ANO3: variants seen among roughly 807,000 people sequenced by gnomAD.
ANO3 encodes anoctamin 3.
ANO3 carries 99 observed loss-of-function variants against 144.8 expected under a neutral mutation model. That is an observed-to-expected ratio of 0.68 (90% CI 0.58 to 0.81). The LOEUF is 0.81. Ranked by LOEUF, ANO3 falls within the 30% of genes least tolerant of loss-of-function variation. ANO3 has a pLI of 0.00. For synonymous variants in ANO3, 414 were observed against 392.6 expected (o/e 1.05, Z -0.64); for missense variants, 905 against 1,202.2 (o/e 0.75, Z 3.66).
chr11:26,465,941 T>C (rs1180770940), intron 4 of ANO3, among the ~76,000 whole-genome samples: 1 of 152,012 alleles, frequency 6.6e-6, no homozygotes. Context: ...GAACAATGCA[T>C]TGTATCTTTA....
At chr11:26,383,888 CTT>C (rs61094091) in intron 1 of ANO3, among the ~76,000 whole-genome samples, 248 of 70,098 alleles carry the variant, frequency 3.5e-3, no homozygotes, top group Middle Eastern at 0.019. Flanking sequence ...ATGCATTGTT[CTT>C]TTTTTTTTTT....
At chr11:26,600,009 A>C (rs911822854) in intron 17 of ANO3, among the ~76,000 whole-genome samples, 3 of 152,144 alleles carry the variant, frequency 2.0e-5, no homozygotes, top group African/African-American at 7.2e-5. Context: ...AGATGGTGCC[A>C]TGCACTTTTC....
At chr11:26,232,140 G>T (rs1305946232) in intron 1 of ANO3, among the ~76,000 whole-genome samples, 3 of 152,096 alleles carry the variant, frequency 2.0e-5, no homozygotes, top group Non-Finnish European at 2.9e-5. Flanking sequence ...GGTCTATGTG[G>T]TCTGGTTGGA....
At chr11:26,332,042 T>C (rs1047443773), upstream of ANO3, 19 of 1,313,310 alleles carry the variant, frequency 1.4e-5, no homozygotes, top group African/African-American at 2.8e-4. Context: ...GGATGCGGGG[T>C]TGTTCCCAGA....
chr11:26,319,411 C>T (rs1403811731), intron 1 of ANO3, among the ~76,000 whole-genome samples: 2 of 152,112 alleles, frequency 1.3e-5, no homozygotes, highest in East Asian at 3.8e-4. Flanking sequence ...TCTACCTCCT[C>T]AAATAATTGG....
At chr11:26,648,541 AT>A (rs1216927891) in intron 24 of ANO3, among the ~76,000 whole-genome samples, 1 of 152,132 alleles carries the variant, frequency 6.6e-6, no homozygotes, top group Non-Finnish European at 1.5e-5. Flanking sequence ...TAACCTCACT[AT>A]TCCCCAAGTT....
intron 1 of ANO3, among the ~76,000 whole-genome samples, chr11:26,381,088 G>A (rs550836360): frequency 1.3e-5 from 2 of 152,002 alleles, no homozygotes; most frequent in South Asian, 4.1e-4. Flanking sequence ...CTTTTTCAAG[G>A]TAGTTTTTCT....
At position 26,559,757 on chromosome 11, in the gene ANO3, T is replaced by C. The variant is rs777864458; in HGVS notation, c.1425T>C (p.Phe475=). 6.2e-7 allele frequency: 1 copy of C among 1,612,218 alleles called. No homozygotes were observed. Among genetic ancestry groups the C allele is most frequent in the Admixed American group, 1.7e-5 (1 of 59,968 alleles). The change falls in exon 14 of 27, where the codon TTT becomes TTC. Residue 475 remains phenylalanine, a synonymous_variant. Coordinates refer to ENST00000256737, the MANE Select transcript of ANO3 (RefSeq NM_031418.4). Reference sequence around the variant, plus strand: ...TCGATAATGGAGGGACAGTCTTCTTTGCTATTTTTATGGCAATATGGGGTA... The same window carrying C: ...TCGATAATGGAGGGACAGTCTTCTTCGCTATTTTTATGGCAATATGGGGTA... ...YLFDNGGTVF[F]AIFMAIWATV... is the part of the protein sequence containing the mutation.
chr11:26,632,047 C>A (rs1852798701), intron 18 of ANO3, among the ~76,000 whole-genome samples: 1 of 151,852 alleles, frequency 6.6e-6, no homozygotes, highest in Non-Finnish European at 1.5e-5. Context: ...AAAAAGTTAG[C>A]CAAGCATGGT....
chr11:26,393,742 T>C (rs1314636219), intron 1 of ANO3, among the ~76,000 whole-genome samples: 1 of 152,184 alleles, frequency 6.6e-6, no homozygotes, highest in East Asian at 1.9e-4. Flanking sequence ...ATTAGTCTCA[T>C]TTTTTCTTTT....
intron 1 of ANO3, among the ~76,000 whole-genome samples, chr11:26,339,421 T>C (rs896193072): frequency 1.3e-5 from 2 of 152,120 alleles, no homozygotes; most frequent in Admixed American, 1.3e-4. Context: ...CCCAAAGTGC[T>C]GGGAATTACA....
chr11:26,644,196 A>G (rs193122260), intron 23 of ANO3, among the ~76,000 whole-genome samples: 58 of 152,332 alleles, frequency 3.8e-4, no homozygotes, highest in African/African-American at 1.3e-3. Context: ...AGGAACATTA[A>G]TTTAGTTGAG....
chr11:26,226,631 C>A (rs1564924684), intron 1 of ANO3, among the ~76,000 whole-genome samples: 1 of 152,064 alleles, frequency 6.6e-6, no homozygotes, highest in Non-Finnish European at 1.5e-5. Context: ...TTGTTGCTAC[C>A]ATCAGTGGCT....
intron 1 of ANO3, chr11:26,286,053 T>TA (rs1853799938): frequency 6.6e-6 from 1 of 152,222 alleles, no homozygotes; most frequent in South Asian, 2.1e-4. Context: ...ATGACACTTC[T>TA]TGAATCAGCA....
intron 4 of ANO3, among the ~76,000 whole-genome samples, chr11:26,500,740 C>T (rs112410394): frequency 6.6e-6 from 1 of 151,746 alleles, no homozygotes; most frequent in African/African-American, 2.4e-5. Context: ...TTTTCCCATT[C>T]TGTGGTTTAC....
chr11:26,564,692 T>TATAC (rs1554970707), intron 14 of ANO3, among the ~76,000 whole-genome samples: 1,120 of 41,050 alleles, frequency 0.027, 178 homozygotes, highest in East Asian at 0.05. Context: ...CTCATATATA[T>TATAC]ACACACACAC....
intron 4 of ANO3, among the ~76,000 whole-genome samples, chr11:26,484,423 C>A (rs1295646436): frequency 6.6e-6 from 1 of 152,156 alleles, no homozygotes. Flanking sequence ...CAGGTGGAAG[C>A]CACAAGTCAT....
chr11:26,555,157 CT>C (rs1319383253), intron 13 of ANO3, among the ~76,000 whole-genome samples: 2 of 152,096 alleles, frequency 1.3e-5, no homozygotes, highest in Non-Finnish European at 1.5e-5. Flanking sequence ...GTTTTTCATT[CT>C]TTTAAATGTT....
chr11:26,615,414 A>ATTT (rs66840659), intron 17 of ANO3, among the ~76,000 whole-genome samples: 179 of 130,684 alleles, frequency 1.4e-3, no homozygotes, highest in African/African-American at 4.5e-3. Flanking sequence ...ATATATATAT[A>ATTT]TTTTTTTTTT....
Sources: gnomAD v4.1 joint callset for allele counts (sites outside exome capture counted in the v4.1 genomes callset) on GRCh38, gnomAD v4.1.1 for gene constraint, MANE v1.5 for transcripts, NCBI Gene and HGNC (gene_info 2026-07-23, HGNC 2026-07-21) for gene names.